Variants in HIP1R observed in about 807,000 individuals in gnomAD.
HIP1R encodes huntingtin interacting protein 1 related.
In HIP1R, 135 loss-of-function variants were observed where a neutral mutation model predicts 144.2. The ratio of observed to expected loss-of-function variants is 0.94; its 90% CI spans 0.81 to 1.08. HIP1R has a LOEUF of 1.08. HIP1R is among the 50% of genes least tolerant of loss of function. The probability of loss-of-function intolerance (pLI) is 0.00; values close to 1 mark genes in which losing one functional copy is unlikely to be tolerated. For synonymous variants in HIP1R, 698 were observed against 612.8 expected, an observed-to-expected ratio of 1.14 and a Z score of -2.05; for missense variants, 1,462 against 1,432.8, an observed-to-expected ratio of 1.02 and a Z score of -0.33.
intron 1 of HIP1R, among the ~76,000 whole-genome samples, chr12:122,844,223 G>A (rs534395425): frequency 4.1e-4 from 63 of 152,236 alleles, no homozygotes; most frequent in African/African-American, 1.3e-3. Flanking sequence ...ACTGCAGCCT[G>A]GAACTCCTGG....
At chr12:122,859,026 G>GCC (rs1555263642) in intron 21 of HIP1R, 35 bp from the exon 22 acceptor site, 4 of 1,460,154 alleles carry the variant, frequency 2.7e-6, no homozygotes, top group Non-Finnish European at 3.6e-6. Context: ...CCTGTCGGTG[G>GCC]GGGGGGCTCC....
At chr12:122,848,739 AG>A in intron 3 of HIP1R, 56 bp from the exon 4 acceptor site, 1 of 1,606,376 alleles carries the variant, frequency 6.2e-7, no homozygotes. Flanking sequence ...TGCGTGTCTC[AG>A]GGCCCTGCCA....
At position 122,857,234 on chromosome 12, in the gene HIP1R, C is replaced by G; in HGVS notation, c.1815+19C>G. The G allele has an allele frequency of 6.5e-7, 1 of 1,547,092 alleles. No individual in the cohort carries two copies. Among genetic ancestry groups the G allele is most frequent in the Non-Finnish European group, 8.7e-7 (1 of 1,143,868 alleles). ...AGAGAGGGTATGGCCTCCCCAGATG[C>G]AGCAGCACCACTGAGTTCACTGCCG... On this transcript the variant is annotated intron_variant, in intron 18 of 31. Transcript: ENST00000253083.
rs767743361 is a variant in HIP1R at position 122,858,880 on chromosome 12, T to G, written c.2093T>G (p.Leu698Arg). 1 of 1,612,816 alleles carries G rather than the reference T, an allele frequency of 6.2e-7. No homozygotes were observed. Among genetic ancestry groups the G allele is most frequent in the African/African-American group, 1.3e-5 (1 of 74,916 alleles). Reference sequence around the variant, plus strand: ...GCAGCTCTGACCCGCTTCTCCCACCTGGCTGCGGATACCATCATCAATGGC... The same window carrying G: ...GCAGCTCTGACCCGCTTCTCCCACCGGGCTGCGGATACCATCATCAATGGC... ...LVAALTRFSH[L>R]AADTIINGGA... The change falls in exon 21 of 32, where the codon CTG (leucine) becomes CGG (arginine). Residue 698 changes from leucine (L) to arginine (R), a missense_variant. This residue lies in a region of HIP1R where 1,112 missense variants were observed against 1,011.7 expected (regional missense o/e 1.10). Coordinates refer to ENST00000253083, the MANE Select transcript of HIP1R (RefSeq NM_003959.3).
intron 4 of HIP1R, 51 bp downstream of exon 4, chr12:122,848,903 G>C (rs369437291): frequency 6.3e-7 from 1 of 1,583,772 alleles, no homozygotes; most frequent in Admixed American, 1.7e-5. Context: ...TTTCCTGAGC[G>C]TGTGGGGCTG....
intron 17 of HIP1R, 33 bp downstream of exon 17, chr12:122,856,759 T>A: frequency 1.3e-6 from 2 of 1,509,322 alleles, no homozygotes; most frequent in Non-Finnish European, 1.8e-6. Flanking sequence ...GAGGTGGGGT[T>A]CTGGGGCCAG....
chr12:122,855,311 A>G lies in HIP1R; in HGVS notation c.899A>G (p.Lys300Arg). Residue 300 changes from lysine (K) to arginine (R), a missense_variant, in exon 11 of 32, where the codon AAG becomes AGG. Physicochemically the swap from Lys to Arg is conservative, Grantham distance 26. This residue lies in a region of HIP1R where 350 missense variants were observed against 421.1 expected (regional missense o/e 0.83). Coordinates refer to ENST00000253083, the MANE Select transcript of HIP1R (RefSeq NM_003959.3). ...LRASALAEHI[K>R]PVVVIPEEAP... Reference sequence around the variant, plus strand: ...GCCTCAGCCCTGGCTGAGCACATCAAGCCGGTGGTGGTGATCCCCGAGGAG... The same window carrying G: ...GCCTCAGCCCTGGCTGAGCACATCAGGCCGGTGGTGGTGATCCCCGAGGAG... 1.9e-6 allele frequency: 3 copies of G among 1,612,608 alleles called. No homozygotes were observed. The highest frequency in any genetic ancestry group is 2.5e-6 in the Non-Finnish European group (3 of 1,179,854).
Position 122,861,848 on chromosome 12 carries a change from C to T in HIP1R, c.*95C>T. On this transcript the variant is annotated 3_prime_UTR_variant, in exon 32 of 32. Transcript: ENST00000253083. The stretch of plus-strand genomic sequence containing the variant: ...GAGGCCTTGCCCCTCCACCTGGTGC[C>T]CAAGCCTCCCGCCCCACCGTCTGGA... 2 of 1,146,442 alleles carry T rather than the reference C, an allele frequency of 1.7e-6. No homozygotes were observed. Among genetic ancestry groups the T allele is most frequent in the Non-Finnish European group, 2.6e-6 (2 of 782,260 alleles). 71.0% of individuals were successfully genotyped at this position (1,146,442 alleles called of 1,614,324 possible).
chr12:122,843,414 C>T (rs918859976), intron 1 of HIP1R, among the ~76,000 whole-genome samples: 1 of 152,208 alleles, frequency 6.6e-6, no homozygotes, highest in African/African-American at 2.4e-5. Flanking sequence ...GCTGTCTGCT[C>T]GGGGGCCCAG....
rs754676538 is a variant in HIP1R, at chr12:122,848,778, G to A, written c.301-18G>A. On this transcript the variant is annotated intron_variant, in intron 3 of 31. Transcript: ENST00000253083. ...CGGTCCTGGACACTCCCCCACTCCCGTATTCCCTGCGCTGCAGGTGCTGCA... is the reference window on the plus strand; with the variant it reads ...CGGTCCTGGACACTCCCCCACTCCCATATTCCCTGCGCTGCAGGTGCTGCA... 9.3e-6 allele frequency: 15 copies of A among 1,612,860 alleles called. No individual in the cohort carries two copies. The highest frequency in any genetic ancestry group is 1.6e-4 in the Middle Eastern group (1 of 6,076).
chr12:122,853,905 T>G, intron 7 of HIP1R, 138 bp from the exon 8 acceptor site: 3 of 1,002,254 alleles, frequency 3.0e-6, no homozygotes, highest in East Asian at 2.6e-5. Flanking sequence ...CACCAGCACA[T>G]GAGGCTCCCG....
At chr12:122,851,056 C>A in intron 6 of HIP1R, 145 bp downstream of exon 6, 3 of 880,298 alleles carry the variant, frequency 3.4e-6, no homozygotes, top group South Asian at 1.6e-5. Flanking sequence ...CTCCCAGGGA[C>A]AGAGGGTGAA....
At chr12:122,845,612 A>G (rs868642268) in intron 1 of HIP1R, among the ~76,000 whole-genome samples, 9 of 152,174 alleles carry the variant, frequency 5.9e-5, no homozygotes, top group Non-Finnish European at 7.4e-5. Flanking sequence ...GGGGTTCAGC[A>G]GCACCTATAG....
intron 1 of HIP1R, among the ~76,000 whole-genome samples, chr12:122,842,993 C>T (rs1402694019): frequency 1.3e-5 from 2 of 152,210 alleles, no homozygotes; most frequent in Admixed American, 6.5e-5. Context: ...CAGATGCCCT[C>T]GCCCCAAGGG....
rs748865342 is a variant in HIP1R, at chr12:122,859,745, A to T, written c.2407-27A>T. 17 of 1,608,504 alleles carry T rather than the reference A, an allele frequency of 1.1e-5. No homozygotes were observed. The Admixed American group carries it at 2.8e-4, about 27-fold the overall frequency. On this transcript the variant is annotated intron_variant, in intron 23 of 31. Transcript: ENST00000253083. ...GGACCACGGTCCCCTCCTCCCAGCCAGCTCACGGCTCTGTTCTTGGGTGCA... is the reference window on the plus strand; with the variant it reads ...GGACCACGGTCCCCTCCTCCCAGCCTGCTCACGGCTCTGTTCTTGGGTGCA...
chr12:122,848,265 C>T (rs1160831902), intron 2 of HIP1R, among the ~76,000 whole-genome samples, 171 bp downstream of exon 2: 8 of 152,232 alleles, frequency 5.3e-5, no homozygotes, highest in African/African-American at 1.2e-4. Flanking sequence ...ATCACAAAAA[C>T]GCCCCCATTG....
At chr12:122,860,286 C>T (rs2033730102) in intron 26 of HIP1R, 76 bp downstream of exon 26, 1 of 1,531,132 alleles carries the variant, frequency 6.5e-7, no homozygotes, top group South Asian at 1.2e-5. Flanking sequence ...GGCATGAGAC[C>T]CTCCACCCCC....
rs914160630 is a variant in HIP1R at position 122,851,003 on chromosome 12, G to T, written c.515+92G>T. ...CACGCCCAGGCGTCCGCATGGGGCA[G>T]TGGGGTTGAATGAGTCCGTGGCTTT... is the stretch of plus-strand genomic sequence containing the variant. On this transcript the variant is annotated intron_variant, in intron 6 of 31. Coordinates refer to ENST00000253083, the MANE Select transcript of HIP1R (RefSeq NM_003959.3). 3 of 1,191,666 alleles carry T rather than the reference G, an allele frequency of 2.5e-6. No homozygotes were observed. In the African/African-American group the frequency reaches 4.6e-5, roughly 18 times the overall value. 73.8% of individuals were successfully genotyped at this position (1,191,666 alleles called of 1,614,324 possible). A position where few individuals can be genotyped will look rare whatever the true frequency, so the allele number is the denominator to read the frequency against.
At chr12:122,859,356 C>G in intron 22 of HIP1R, 70 bp from the exon 23 acceptor site, 2 of 1,510,232 alleles carry the variant, frequency 1.3e-6, no homozygotes, top group South Asian at 2.3e-5. Flanking sequence ...GGTCCCCAAC[C>G]TCTTTCCCAG....
Sources: allele counts gnomAD v4.1 joint callset (sites outside exome capture counted in the v4.1 genomes callset), GRCh38; gene constraint gnomAD v4.1.1; regional missense constraint gnomAD v4.1.1; transcripts MANE v1.5; gene names NCBI Gene and HGNC (gene_info 2026-07-23, HGNC 2026-07-21).